Variants in ZNF500 observed in about 807,000 individuals in gnomAD.
ZNF500 encodes the protein zinc finger protein 500, also known as zinc finger protein with KRAB and SCAN domains 18.
ZNF500 carries 31 observed loss-of-function variants against 30.1 expected under a neutral mutation model. That is an observed-to-expected ratio of 1.03 (90% CI 0.77 to 1.39). The LOEUF (loss-of-function observed/expected upper bound fraction) is 1.39. Among genes scored for constraint, ZNF500 ranks in the 40% most tolerant of loss-of-function variants. The probability of loss-of-function intolerance (pLI) is 0.00; values close to 1 mark genes in which losing one functional copy is unlikely to be tolerated. For missense variants in ZNF500, 817 were observed against 657.8 expected (o/e 1.24, Z -2.65); for synonymous variants, 392 against 282.0 (o/e 1.39, Z -3.91).
chr16:4,750,615 A>G lies in ZNF500; in HGVS notation c.*1761T>C, dbSNP rs2082067742. 1 of 151,812 alleles carries G rather than the reference A, an allele frequency of 6.6e-6. No homozygotes were observed. The allele number at this position is 151,812 out of a possible 1,614,324, so 9.4% of individuals were successfully genotyped here. On this transcript the variant is annotated 3_prime_UTR_variant, in exon 6 of 6. Transcript: ENST00000219478. Reference sequence around the variant, plus strand: ...GTGATTCTCTTGCCTCAGCTTCCCGAGTAGCTGGGACTACAGGCACGTGCC... The same window carrying G: ...GTGATTCTCTTGCCTCAGCTTCCCGGGTAGCTGGGACTACAGGCACGTGCC...
At position 4,752,991 on chromosome 16, in the gene ZNF500, G is replaced by C. The variant is rs1400026696; in HGVS notation, c.828C>G (p.Tyr276Ter). 3 of 1,591,582 alleles carry C rather than the reference G, an allele frequency of 1.9e-6. No individual in the cohort carries two copies. The African/African-American group carries it at 4.0e-5, about 21-fold the overall frequency. Residue 276 changes from tyrosine (Y) to a stop codon, truncating the protein, a stop_gained, in exon 6 of 6, where the codon TAC becomes TAG. Transcript: ENST00000219478. LOFTEE classifies it low-confidence loss of function (END_TRUNC). ...REDAPLRMEW[Y>*]RVLSARCQGP... ...CCTGGCATCGTGCCGAGAGCACTCG[G>C]TACCACTCCATTCTCAACGGGGCAT...
At chr16:4,745,248 T>C (rs1445113231), downstream of ZNF500, among the ~76,000 whole-genome samples, 1 of 152,174 alleles carries the variant, frequency 6.6e-6, no homozygotes, top group African/African-American at 2.4e-5. Flanking sequence ...AGCCCTCAAG[T>C]ACCTGCTCTT....
At chr16:4,764,660 T>C (rs2082242862) in intron 2 of ZNF500, among the ~76,000 whole-genome samples, 1 of 151,598 alleles carries the variant, frequency 6.6e-6, no homozygotes, top group African/African-American at 2.4e-5. Context: ...TGGGCGCCTG[T>C]AGTCCCAGCT....
At chr16:4,761,824 T>A (rs1381861410) in intron 4 of ZNF500, among the ~76,000 whole-genome samples, 1 of 151,844 alleles carries the variant, frequency 6.6e-6, no homozygotes, top group South Asian at 2.1e-4. Context: ...ACTACTGCAC[T>A]CCAGCGTGAG....
Position 4,752,432 on chromosome 16 carries a change from CTGCCCCCATGTGGGTCCGCTGG to C in ZNF500, c.1365_1386del (p.His455GlnfsTer24). 6.5e-7 allele frequency: 1 copy of C among 1,536,994 alleles called. No individual in the cohort carries two copies. The highest frequency in any genetic ancestry group is 1.4e-5 in the African/African-American group (1 of 73,052). ...ACCGGCTGGAGCGTCGGCAAGGAGCCTGCCCCCATGTGGGTCCGCTGGTGCTTGTGCAGGTCGGTGCCCCGGC... is the reference window on the plus strand; with the variant it reads ...ACCGGCTGGAGCGTCGGCAAGGAGCCTGCTTGTGCAGGTCGGTGCCCCGGC... On this transcript the variant is annotated frameshift_variant, in exon 6 of 6. Coordinates refer to ENST00000219478, the MANE Select transcript of ZNF500 (RefSeq NM_021646.4). LOFTEE classifies it low-confidence loss of function (END_TRUNC).
At chr16:4,765,283 G>A (rs1596508254) in intron 2 of ZNF500, among the ~76,000 whole-genome samples, 1 of 151,854 alleles carries the variant, frequency 6.6e-6, no homozygotes, top group African/African-American at 2.4e-5. Flanking sequence ...GCAACAGAGC[G>A]AGACTATGTC....
At position 4,749,242 on chromosome 16, in the gene ZNF500, C is replaced by G. The variant is rs2082055336; in HGVS notation, c.*3134G>C. The G allele has an allele frequency of 6.5e-6, 1 of 154,594 alleles. No individual in the cohort carries two copies. The highest frequency in any genetic ancestry group is 1.5e-5 in the Non-Finnish European group (1 of 68,228). 9.6% of individuals were successfully genotyped at this position (154,594 alleles called of 1,614,324 possible). A position where few individuals can be genotyped will look rare whatever the true frequency, so the allele number is the denominator to read the frequency against. ...CTGCCCCCATACGCTGCCCTCGCAG[C>G]CTGGCGGCCTCCGCTGTGGCTGCCT... On this transcript the variant is annotated 3_prime_UTR_variant, in exon 6 of 6. Transcript: ENST00000219478.
intron 2 of ZNF500, chr16:4,763,489 A>C (rs1416053789): frequency 1.4e-5 from 13 of 925,848 alleles, no homozygotes; most frequent in African/African-American, 1.8e-5. Flanking sequence ...AGGTGAGTTG[A>C]ATGAAATTGG....
chr16:4,751,360 G>A lies in ZNF500; in HGVS notation c.*1016C>T, dbSNP rs1304191510. On this transcript the variant is annotated 3_prime_UTR_variant, in exon 6 of 6. Coordinates refer to ENST00000219478, the MANE Select transcript of ZNF500 (RefSeq NM_021646.4). Reference sequence around the variant, plus strand: ...CATTCCAGACACTAAGGGGCCAGGAGCAAACGCAGCCCTGGGCCCCGGCCC... The same window carrying A: ...CATTCCAGACACTAAGGGGCCAGGAACAAACGCAGCCCTGGGCCCCGGCCC... The A allele has an allele frequency of 1.1e-5, 6 of 541,492 alleles. No individual in the cohort carries two copies. Among genetic ancestry groups the A allele is most frequent in the African/African-American group, 3.9e-5 (2 of 51,942 alleles). The allele number at this position is 541,492 out of a possible 1,614,324, so 33.5% of individuals were successfully genotyped here.
chr16:4,766,099 T>G, intron 1 of ZNF500, 23 bp from the exon 2 acceptor site: 1 of 1,251,882 alleles, frequency 8.0e-7, no homozygotes. Context: ...GATAAAACCA[T>G]CTGAAGGGCA....
chr16:4,766,916 G>A (rs995422683), intron 1 of ZNF500, 101 bp downstream of exon 1: 1 of 152,258 alleles, frequency 6.6e-6, no homozygotes, highest in African/African-American at 2.4e-5. Flanking sequence ...CAGGTGGAGG[G>A]TGAGCGGTAC....
At chr16:4,746,998 G>A (rs778571243), downstream of ZNF500, 1 of 1,539,570 alleles carries the variant, frequency 6.5e-7, no homozygotes, top group Admixed American at 2.3e-5. Context: ...GACGCAGAGG[G>A]GGCATCTCCT....
chr16:4,747,673 T>A, downstream of ZNF500: 1 of 1,549,456 alleles, frequency 6.5e-7, no homozygotes, highest in Non-Finnish European at 8.7e-7. Flanking sequence ...CGGGCTGACT[T>A]GCCATGGACC....
chr16:4,744,864 C>T, downstream of ZNF500: 1 of 1,611,080 alleles, frequency 6.2e-7, no homozygotes, highest in Non-Finnish European at 8.5e-7. Context: ...CTTTGGCCAT[C>T]CTCAGACCGC....
In ZNF500 at chr16:4,765,878, TC is replaced by T; in HGVS notation, c.100del (p.Glu34LysfsTer35). On this transcript the variant is annotated frameshift_variant, in exon 2 of 6. Transcript: ENST00000219478. LOFTEE classifies it high-confidence loss of function. The part of the protein sequence containing the change: ...IVKVEEDFCL[E>X]EEPSVETEDP... Reference sequence around the variant, plus strand: ...CTCCGTCTCCACGGAGGGCTCCTCTTCCAAGCAGAAGTCCTCCTCCACCTTC... The same window carrying T: ...CTCCGTCTCCACGGAGGGCTCCTCTTCAAGCAGAAGTCCTCCTCCACCTTC... 2 of 1,613,638 alleles carry T rather than the reference TC, an allele frequency of 1.2e-6. No individual in the cohort carries two copies. The highest frequency in any genetic ancestry group is 2.2e-5 in the East Asian group (1 of 44,862).
chr16:4,752,803 T>A lies in ZNF500; in HGVS notation c.1016A>T (p.His339Leu). 1 of 1,614,232 alleles carries A rather than the reference T, an allele frequency of 6.2e-7. No individual in the cohort carries two copies. The highest frequency in any genetic ancestry group is 8.5e-7 in the Non-Finnish European group (1 of 1,180,030). ...ECGKGFSKTS[H>L]LTKHQRTHTG... ...GTGTGTGCGCTGGTGCTTGGTCAAGTGGGACGTCTTGCTGAAGCCTTTGCC... is the reference window on the plus strand; with the variant it reads ...GTGTGTGCGCTGGTGCTTGGTCAAGAGGGACGTCTTGCTGAAGCCTTTGCC... The change falls in exon 6 of 6, where the codon CAC (histidine) becomes CTC (leucine). Residue 339 changes from histidine to leucine, a missense_variant. His to Leu is a moderately conservative substitution (Grantham distance 99, BLOSUM62 -3). Coordinates refer to ENST00000219478, the MANE Select transcript of ZNF500 (RefSeq NM_021646.4).
rs189455064 is a variant in ZNF500 at position 4,760,568 on chromosome 16, G to A, written c.684C>T (p.Asp228=). Residue 228 remains aspartate, a synonymous_variant, in exon 5 of 6, where the codon GAC becomes GAT. Coordinates refer to ENST00000219478, the MANE Select transcript of ZNF500 (RefSeq NM_021646.4). ...CCTCCCCAGAAAGGTATACAGCCAC[G>A]TCCTCCAAGTTCACGGGCACCTGCC... ...AWSQVPVNLE[D]VAVYLSGEEP... is the part of the protein sequence containing the mutation. The A allele has an allele frequency of 8.1e-6, 13 of 1,613,284 alleles. No individual in the cohort carries two copies. Among genetic ancestry groups the A allele is most frequent in the African/African-American group, 4.0e-5 (3 of 75,008 alleles).
At chr16:4,746,062 C>T (rs1163548210), downstream of ZNF500, 2 of 249,294 alleles carry the variant, frequency 8.0e-6, no homozygotes, top group Non-Finnish European at 1.5e-5. Flanking sequence ...GTGAATGTGA[C>T]TGAGGAACTG....
intron 5 of ZNF500, among the ~76,000 whole-genome samples, chr16:4,757,274 A>T (rs1428614635): frequency 6.6e-6 from 1 of 152,188 alleles, no homozygotes; most frequent in East Asian, 1.9e-4. Context: ...CGTGAATTTC[A>T]TCTCATTAAA....
Sources: gnomAD v4.1 joint callset for allele counts (sites outside exome capture counted in the v4.1 genomes callset) on GRCh38, gnomAD v4.1.1 for gene constraint, MANE v1.5 for transcripts, NCBI Gene and HGNC (gene_info 2026-07-23, HGNC 2026-07-21) for gene names.